The following NKTR variants were observed in gnomAD, a reference collection of about 807,000 sequenced individuals.
The protein encoded by NKTR is NK-tumor recognition protein.
NKTR carries 67 observed loss-of-function variants against 156.3 expected under a neutral mutation model. The ratio of observed to expected loss-of-function variants is 0.43; its 90% CI spans 0.35 to 0.53. The LOEUF is 0.53. Ranked by LOEUF, NKTR falls within the 20% of genes least tolerant of loss-of-function variation. NKTR has a pLI of 0.01. For synonymous variants in NKTR, 640 were observed against 596.6 expected (o/e 1.07, Z -1.06); for missense variants, 1,604 against 1,730.9 (o/e 0.93, Z 1.30).
chr3:42,633,395 A>G, intron 9 of NKTR, 185 bp from the exon 10 acceptor site: 1 of 1,365,928 alleles, frequency 7.3e-7, no homozygotes, highest in East Asian at 2.8e-5. Context: ...TTTCCTATCA[A>G]AATTCTAGTC....
chr3:42,638,861 G>T lies in NKTR; in HGVS notation c.3157G>T (p.Asp1053Tyr), dbSNP rs1709648500. The T allele has an allele frequency of 4.4e-6, 7 of 1,605,586 alleles. 1 individual carries two copies. In the South Asian group the frequency reaches 5.6e-5, roughly 13 times the overall value. ...KVSENNETIK[D>Y]NILKTEKSSE... ...TTCTGAAAACAATGAAACCATAAAA[G>T]ATAATATTCTAAAAACTGAGAAATC... The change falls in exon 13 of 17, where the codon GAT becomes TAT. Residue 1053 changes from aspartate to tyrosine, a missense_variant. Asp to Tyr is a radical substitution (Grantham distance 160). Coordinates refer to ENST00000232978, the MANE Select transcript of NKTR (RefSeq NM_005385.4).
chr3:42,616,364 A>T (rs971742301), intron 2 of NKTR, among the ~76,000 whole-genome samples: 11 of 152,258 alleles, frequency 7.2e-5, no homozygotes, highest in African/African-American at 2.7e-4. Flanking sequence ...CAACAGGTCC[A>T]TAAAGTCACA....
chr3:42,601,587 G>GT (rs1705479144), intron 2 of NKTR: 1 of 152,212 alleles, frequency 6.6e-6, no homozygotes, highest in African/African-American at 2.4e-5. Flanking sequence ...AGAGCATTTT[G>GT]TACCAGCAGA....
chr3:42,645,897 A>G lies in NKTR; in HGVS notation c.4311A>G (p.Arg1437=). ...RSYNRRSRSC[R]SYGSDSESDR... Reference sequence around the variant, plus strand: ...TGTTTTGTTATTACAGGAGTTGTAGATCTTATGGCTCTGACAGTGAAAGTG... The same window carrying G: ...TGTTTTGTTATTACAGGAGTTGTAGGTCTTATGGCTCTGACAGTGAAAGTG... Residue 1437 remains arginine (R), a synonymous_variant, in exon 17 of 17, where the codon AGA becomes AGG. Coordinates refer to ENST00000232978, the MANE Select transcript of NKTR (RefSeq NM_005385.4). 6.2e-7 allele frequency: 1 copy of G among 1,610,530 alleles called. No homozygotes were observed. The highest frequency in any genetic ancestry group is 1.1e-5 in the South Asian group (1 of 90,650).
At chr3:42,633,058 G>T in intron 9 of NKTR, 1 of 1,175,584 alleles carries the variant, frequency 8.5e-7, no homozygotes, top group Middle Eastern at 3.5e-4. Context: ...CTTTTTTTAA[G>T]AGATAGGGTC....
chr3:42,624,224 T>A (rs1708165486), intron 6 of NKTR, among the ~76,000 whole-genome samples: 3 of 152,040 alleles, frequency 2.0e-5, no homozygotes, highest in Admixed American at 2.0e-4. Flanking sequence ...AGTACTGTAT[T>A]TGTCATAATG....
At chr3:42,628,452 T>G in intron 6 of NKTR, 3 of 985,468 alleles carry the variant, frequency 3.0e-6, no homozygotes, top group Non-Finnish European at 2.4e-6. Context: ...GAATGTTTTA[T>G]TCCACCATTT....
chr3:42,612,564 A>G (rs905201733), intron 2 of NKTR, among the ~76,000 whole-genome samples: 1 of 152,172 alleles, frequency 6.6e-6, no homozygotes, highest in African/African-American at 2.4e-5. Context: ...TAATTTTGTA[A>G]TGTAATATAT....
intron 6 of NKTR, chr3:42,629,204 T>C (rs1209309958): frequency 4.1e-6 from 4 of 984,820 alleles, no homozygotes; most frequent in Non-Finnish European, 4.8e-6. Context: ...ACTAATTCAC[T>C]AGATAGTTTT....
At position 42,620,233 on chromosome 3, in the gene NKTR, C is replaced by T. The variant is rs565822583; in HGVS notation, c.286+525C>T. The T allele has an allele frequency of 4.8e-5, 61 of 1,268,682 alleles. 1 individual carries two copies. In the African/African-American group the frequency reaches 6.9e-4, roughly 14 times the overall value. The allele number at this position is 1,268,682 out of a possible 1,614,324, so 78.6% of individuals were successfully genotyped here. ...ATTTCCCAATGGGTTATTAATTTCA[C>T]ATCAGAGAAAAGAGTCTAGTTGTGG... On this transcript the variant is annotated intron_variant, in intron 5 of 16. Coordinates refer to ENST00000232978, the MANE Select transcript of NKTR (RefSeq NM_005385.4).
rs748580949 is a variant in NKTR, at chr3:42,645,964, A to C, written c.4378A>C (p.Arg1460=). The change falls in exon 17 of 17, where the codon AGA becomes CGA. Residue 1460 remains arginine (R), a synonymous_variant. Transcript: ENST00000232978. ...TCACCGGAGCCCCAGTGAGAGCAGCAGATACAGTTGAAAACGTCCGGATAC... is the reference window on the plus strand; with the variant it reads ...TCACCGGAGCCCCAGTGAGAGCAGCCGATACAGTTGAAAACGTCCGGATAC... The part of the protein sequence containing the change: ...SHHRSPSESS[R]YS 6.2e-7 allele frequency: 1 copy of C among 1,612,668 alleles called. No individual in the cohort carries two copies. The highest frequency in any genetic ancestry group is 1.3e-5 in the African/African-American group (1 of 74,896).
At chr3:42,642,623 G>A in intron 14 of NKTR, 27 bp downstream of exon 14, 6 of 1,531,624 alleles carry the variant, frequency 3.9e-6, no homozygotes, top group Non-Finnish European at 5.4e-6. Flanking sequence ...ACCCTGTGAT[G>A]TGGTCTCCAT....
chr3:42,637,936 T>A lies in NKTR; in HGVS notation c.2232T>A (p.Tyr744Ter). Residue 744 changes from tyrosine to a stop codon, truncating the protein, a stop_gained, in exon 13 of 17, where the codon TAT becomes TAA. Transcript: ENST00000232978. LOFTEE classifies it high-confidence loss of function. ...DHSQCSRSSS[Y>*]TSISSDDGRR... ...CACAGTGTAGTAGATCATCTTCATA[T>A]ACTTCTATTAGCAGTGATGATGGAA... is the stretch of plus-strand genomic sequence containing the variant. The A allele has an allele frequency of 1.2e-6, 2 of 1,613,976 alleles. No individual in the cohort carries two copies. Among genetic ancestry groups the A allele is most frequent in the Non-Finnish European group, 1.7e-6 (2 of 1,179,850 alleles).
At chr3:42,623,355 T>A (rs966608902) in intron 6 of NKTR, among the ~76,000 whole-genome samples, 2 of 152,144 alleles carry the variant, frequency 1.3e-5, no homozygotes, top group Admixed American at 6.6e-5. Flanking sequence ...AATTTCCTTC[T>A]GGAAAGGGGT....
intron 2 of NKTR, among the ~76,000 whole-genome samples, chr3:42,605,708 G>C (rs761219580): frequency 6.6e-6 from 1 of 152,098 alleles, no homozygotes; most frequent in South Asian, 2.1e-4. Flanking sequence ...ATGCATCTCC[G>C]CTCTCAAGGT....
At position 42,637,680 on chromosome 3, in the gene NKTR, G is replaced by GTAGCTC. The variant is rs1293070287; in HGVS notation, c.1977_1982dup (p.Ser662_Ser663dup). On this transcript the variant is annotated inframe_insertion, in exon 13 of 17. Coordinates refer to ENST00000232978, the MANE Select transcript of NKTR (RefSeq NM_005385.4). ...AGTTTAGCAAATATTAAAGAGACTG[G>GTAGCTC]TAGCTCATCATCCTACCATAAAAGA... 1 of 1,613,758 alleles carries GTAGCTC rather than the reference G, an allele frequency of 6.2e-7. No individual in the cohort carries two copies. The highest frequency in any genetic ancestry group is 8.5e-7 in the Non-Finnish European group (1 of 1,179,984).
chr3:42,635,166 A>C (rs1190193015), intron 11 of NKTR, 55 bp from the exon 12 acceptor site: 1 of 1,449,940 alleles, frequency 6.9e-7, no homozygotes. Flanking sequence ...TCTGTCACAT[A>C]GCAGACTGTC....
In NKTR at chr3:42,647,250, T is replaced by C. The variant is rs935858975; in HGVS notation, c.*1275T>C. Reference sequence around the variant, plus strand: ...CTTTGGGTGGTTCCTCCAAAAATAATTGGACCTGTAAAAACTAGTGTGTGT... The same window carrying C: ...CTTTGGGTGGTTCCTCCAAAAATAACTGGACCTGTAAAAACTAGTGTGTGT... On this transcript the variant is annotated 3_prime_UTR_variant, in exon 17 of 17. Coordinates refer to ENST00000232978, the MANE Select transcript of NKTR (RefSeq NM_005385.4). 5 of 137,484 alleles carry C rather than the reference T, an allele frequency of 3.6e-5. No homozygotes were observed. Among genetic ancestry groups the C allele is most frequent in the African/African-American group, 8.4e-5 (3 of 35,846 alleles). The allele number at this position is 137,484 out of a possible 1,614,324, so 8.5% of individuals were successfully genotyped here.
rs1276027795 is a variant in NKTR, at chr3:42,628,479, A to C, written c.375-2067A>C. ...CCACCATTTTCTCCAAAGGTTTGCC[A>C]TAAAGTGGTTTTTACAGCCTTTCTA... is the stretch of plus-strand genomic sequence containing the variant. On this transcript the variant is annotated intron_variant, in intron 6 of 16. Coordinates refer to ENST00000232978, the MANE Select transcript of NKTR (RefSeq NM_005385.4). The C allele has an allele frequency of 4.1e-6, 4 of 985,298 alleles. No homozygotes were observed. The African/African-American group carries it at 7.0e-5, about 17-fold the overall frequency. 61.0% of individuals were successfully genotyped at this position (985,298 alleles called of 1,614,324 possible).
Sources: allele counts gnomAD v4.1 joint callset (sites outside exome capture counted in the v4.1 genomes callset), GRCh38; gene constraint gnomAD v4.1.1; transcripts MANE v1.5; gene names NCBI Gene and HGNC (gene_info 2026-07-23, HGNC 2026-07-21).